The following ZFHX3 variants were observed in gnomAD, a reference collection of about 807,000 sequenced individuals.
ZFHX3 encodes the protein zinc finger homeobox protein 3.
A neutral mutation model predicts 279.1 loss-of-function variants in ZFHX3; 42 were observed. That is an observed-to-expected ratio of 0.15 (90% CI 0.12 to 0.19). The LOEUF is 0.19. ZFHX3 is among the 10% of genes least tolerant of loss of function. The pLI is 1.00. For missense variants in ZFHX3, 4,981 were observed against 4,754.0 expected (o/e 1.05, Z -1.40); for synonymous variants, 2,293 against 1,957.8 (o/e 1.17, Z -4.52).
chr16:73,842,081 T>C (rs1258074135), intron 1 of ZFHX3, among the ~76,000 whole-genome samples: 2 of 150,578 alleles, frequency 1.3e-5, no homozygotes, highest in African/African-American at 4.9e-5. Flanking sequence ...CCAGGCATGG[T>C]GGCGCACGCC....
chr16:73,634,433 AATATATAT>A (rs60477881), intron 2 of ZFHX3, among the ~76,000 whole-genome samples: 1,891 of 59,888 alleles, frequency 0.032, 73 homozygotes, highest in African/African-American at 0.077. Context: ...TATTATGTAT[AATATATAT>A]ATATATATAT....
At chr16:73,493,469 C>T (rs2019087123) in intron 2 of ZFHX3, among the ~76,000 whole-genome samples, 1 of 152,144 alleles carries the variant, frequency 6.6e-6, no homozygotes, top group Admixed American at 6.5e-5. Flanking sequence ...CCCAAGCTGA[C>T]TGGAGGAAGA....
chr16:73,372,024 C>G (rs1188457165), intron 3 of ZFHX3, among the ~76,000 whole-genome samples: 2 of 152,206 alleles, frequency 1.3e-5, no homozygotes, highest in Admixed American at 6.5e-5. Context: ...TCCAACATAG[C>G]TTCTATTTCC....
intron 3 of ZFHX3, among the ~76,000 whole-genome samples, chr16:73,371,810 T>C (rs1248758505): frequency 4.6e-5 from 7 of 152,242 alleles, no homozygotes; most frequent in Non-Finnish European, 5.9e-5. Flanking sequence ...TCAATGTCAC[T>C]GGTAAATAGT....
At position 73,319,119 on chromosome 16, in the gene ZFHX3, G is replaced by A. The variant is rs184868033; in HGVS notation, c.-1290-783C>T. Among the ~76,000 whole-genome samples the A allele has an allele frequency of 1.3e-3, 194 of 151,908 alleles. 3 individuals carry two copies. Among genetic ancestry groups the A allele is most frequent in the African/African-American group, 4.5e-3 (187 of 41,406 alleles). ...GGGAGGGGAGGTGTGGAATGGGGGG[G>A]GCAGAGGACGCACAAGGACCGGAGC... On this transcript the variant is annotated intron_variant, in intron 3 of 17. Coordinates refer to the ZFHX3 transcript ENST00000641206.
At position 73,165,345 on chromosome 16, in the gene ZFHX3, T is replaced by C. The variant is rs561135625; in HGVS notation, c.-1103-21514A>G. Among the ~76,000 whole-genome samples the C allele has an allele frequency of 2.6e-5, 4 of 151,918 alleles. 1 individual carries two copies. Among genetic ancestry groups the C allele is most frequent in the Admixed American group, 2.6e-4 (4 of 15,256 alleles). On this transcript the variant is annotated intron_variant, in intron 5 of 17. Transcript: ENST00000641206. ...ATGTTTCAACAGGACTCCAAGGAGG[T>C]CTTGTACGATTATGCTCAAGCCTCT...
chr16:73,730,080 C>T (rs1484318560), intron 1 of ZFHX3, among the ~76,000 whole-genome samples: 1 of 152,082 alleles, frequency 6.6e-6, no homozygotes, highest in South Asian at 2.1e-4. Context: ...AATATCCATG[C>T]ACAGAAGGCT....
intron 1 of ZFHX3, among the ~76,000 whole-genome samples, chr16:73,834,610 C>T (rs1213808474): frequency 6.6e-6 from 1 of 152,188 alleles, no homozygotes; most frequent in Non-Finnish European, 1.5e-5. Context: ...AAAGAAGTGT[C>T]AGCTGGGCGT....
chr16:72,783,463 CCT>C lies in ZFHX3; in HGVS notation c.*3699_*3700del, dbSNP rs1262078359. ...TCAAGTGCACTGGCTTGGGTCACTGCCTCTCTCTCCTGCAACTTCCTGCCATG... is the reference window on the plus strand; with the variant it reads ...TCAAGTGCACTGGCTTGGGTCACTGCCTCTCTCCTGCAACTTCCTGCCATG... On this transcript the variant is annotated 3_prime_UTR_variant, in exon 10 of 10. Transcript: ENST00000268489. 2 of 152,520 alleles carry C rather than the reference CCT, an allele frequency of 1.3e-5. No individual in the cohort carries two copies. The highest frequency in any genetic ancestry group is 4.8e-5 in the African/African-American group (2 of 41,412). 9.4% of individuals were successfully genotyped at this position (152,520 alleles called of 1,614,324 possible).
intron 1 of ZFHX3, among the ~76,000 whole-genome samples, chr16:73,855,874 G>A (rs1034839228): frequency 6.6e-6 from 1 of 152,128 alleles, no homozygotes; most frequent in African/African-American, 2.4e-5. Context: ...ACACAGTGCT[G>A]CACTAAAAAC....
intron 3 of ZFHX3, among the ~76,000 whole-genome samples, chr16:72,922,500 C>T (rs2039609199): frequency 6.6e-6 from 1 of 152,184 alleles, no homozygotes; most frequent in Non-Finnish European, 1.5e-5. Context: ...CTAGCACAGA[C>T]AGAAAGGGCC....
intron 2 of ZFHX3, among the ~76,000 whole-genome samples, chr16:73,547,528 C>T (rs531085433): frequency 4.9e-4 from 74 of 152,270 alleles, no homozygotes; most frequent in African/African-American, 1.7e-3. Context: ...ACTTTCCTTG[C>T]TAATCCTAGA....
rs562504801 is a variant in ZFHX3 at position 73,688,282 on chromosome 16, G to A, written c.-1607-8042C>T. Reference sequence around the variant, plus strand: ...TGAGGCAGGAGAATCACTTGAACCCGGGAGGCAGAGGTTGCAGTGAGCTGA... The same window carrying A: ...TGAGGCAGGAGAATCACTTGAACCCAGGAGGCAGAGGTTGCAGTGAGCTGA... On this transcript the variant is annotated intron_variant, in intron 1 of 17. Transcript: ENST00000641206. Among the ~76,000 whole-genome samples the A allele has an allele frequency of 3.6e-4, 55 of 151,118 alleles. 1 individual carries two copies. Among genetic ancestry groups the A allele is most frequent in the African/African-American group, 8.0e-4 (33 of 41,202 alleles).
chr16:73,543,790 C>A (rs2020057999), intron 2 of ZFHX3, among the ~76,000 whole-genome samples: 1 of 151,004 alleles, frequency 6.6e-6, no homozygotes, highest in Non-Finnish European at 1.5e-5. Context: ...ATGCGAGTGA[C>A]CCCCATCTGC....
At chr16:73,188,016 C>T (rs1967953738) in intron 5 of ZFHX3, among the ~76,000 whole-genome samples, 1 of 152,032 alleles carries the variant, frequency 6.6e-6, no homozygotes, top group African/African-American at 2.4e-5. Flanking sequence ...CGCCTGCCAC[C>T]ACGCCTGGCT....
rs186599242 is a variant in ZFHX3, at chr16:72,953,753, A to G, written c.2720-2788T>C. On this transcript the variant is annotated intron_variant, in intron 2 of 9. Transcript: ENST00000268489. ...ACCCCACTACGTCTGGCTGATCTTA[A>G]AACAAAAATGTTTTGTCGAGATGTT... is the stretch of plus-strand genomic sequence containing the variant. 7.5e-3 allele frequency among the ~76,000 whole-genome samples: 1,140 copies of G among 152,208 alleles called. 31 individuals are homozygous for G. Among genetic ancestry groups the G allele is most frequent in the Admixed American group, 0.025 (375 of 15,294 alleles).
intron 3 of ZFHX3, among the ~76,000 whole-genome samples, chr16:73,382,192 C>A (rs2016828295): frequency 6.6e-6 from 1 of 152,122 alleles, no homozygotes; most frequent in South Asian, 2.1e-4. Flanking sequence ...AATCCAGGTG[C>A]AATAAGGTAT....
At chr16:73,602,443 C>T (rs530412540) in intron 2 of ZFHX3, among the ~76,000 whole-genome samples, 3 of 152,180 alleles carry the variant, frequency 2.0e-5, no homozygotes, top group East Asian at 1.9e-4. Flanking sequence ...TCTCATGAGA[C>T]GATTCCTCCA....
At chr16:72,828,607 G>A (rs1185163932) in intron 5 of ZFHX3, among the ~76,000 whole-genome samples, 2 of 152,182 alleles carry the variant, frequency 1.3e-5, no homozygotes, top group Non-Finnish European at 2.9e-5. Flanking sequence ...GGAGGGGGAG[G>A]ACAGGAAGAA....
Sources: gnomAD v4.1 joint callset for allele counts (sites outside exome capture counted in the v4.1 genomes callset) on GRCh38, gnomAD v4.1.1 for gene constraint, MANE v1.5 for transcripts, NCBI Gene and HGNC (gene_info 2026-07-23, HGNC 2026-07-21) for gene names.